The following ME3 variants were observed in gnomAD, a reference collection of about 807,000 sequenced individuals.
The protein encoded by ME3 is NADP-dependent malic enzyme, mitochondrial.
In ME3, 48 loss-of-function variants were observed where a neutral mutation model predicts 68.9. The observed-to-expected ratio is 0.70, with a 90% CI of 0.55 to 0.89. The LOEUF is 0.89. Ranked by LOEUF, ME3 falls within the 40% of genes least tolerant of loss-of-function variation. The pLI is 0.00. For missense variants in ME3, 675 were observed against 797.4 expected (o/e 0.85, Z 1.85); for synonymous variants, 320 against 318.8 (o/e 1.00, Z -0.04).
intron 4 of ME3, among the ~76,000 whole-genome samples, chr11:86,509,462 GCAGA>G (rs2139101839): frequency 6.6e-6 from 1 of 152,160 alleles, no homozygotes; most frequent in African/African-American, 2.4e-5. Flanking sequence ...TTGGTCAAGA[GCAGA>G]CAGATATTGG....
chr11:86,661,148 T>C (rs539939), intron 2 of ME3, among the ~76,000 whole-genome samples: 46,468 of 152,220 alleles, frequency 0.31, 7,148 homozygotes, highest in East Asian at 0.36. Flanking sequence ...AGAAAACACA[T>C]GCACATGATG....
intron 2 of ME3, among the ~76,000 whole-genome samples, chr11:86,634,842 T>G (rs1197341195): frequency 6.6e-6 from 1 of 152,252 alleles, no homozygotes; most frequent in African/African-American, 2.4e-5. Flanking sequence ...AAACTGTGAT[T>G]GATAACAAAC....
intron 7 of ME3, among the ~76,000 whole-genome samples, chr11:86,483,525 T>G (rs1951527351): frequency 6.6e-6 from 1 of 150,914 alleles, no homozygotes; most frequent in African/African-American, 2.4e-5. Context: ...GTGATTATGG[T>G]GAGGGGAAAG....
At chr11:86,637,030 A>T (rs935332045) in intron 2 of ME3, among the ~76,000 whole-genome samples, 1 of 152,198 alleles carries the variant, frequency 6.6e-6, no homozygotes, top group Non-Finnish European at 1.5e-5. Flanking sequence ...ATCATTCTTG[A>T]ATCAATGTAA....
chr11:86,650,617 A>T (rs773322336), intron 2 of ME3, among the ~76,000 whole-genome samples: 24 of 152,246 alleles, frequency 1.6e-4, no homozygotes, highest in Admixed American at 3.3e-4. Context: ...TACAATGGGA[A>T]GTCAAGATGG....
At chr11:86,485,743 A>C (rs529011027) in intron 7 of ME3, among the ~76,000 whole-genome samples, 75 of 152,072 alleles carry the variant, frequency 4.9e-4, no homozygotes, top group African/African-American at 1.8e-3. Context: ...CCTTGAATAG[A>C]CTCTCAACTC....
chr11:86,548,768 C>T (rs1956503634), intron 4 of ME3, among the ~76,000 whole-genome samples: 1 of 152,060 alleles, frequency 6.6e-6, no homozygotes, highest in South Asian at 2.1e-4. Flanking sequence ...AAAGTGAGGC[C>T]CAGAAAGGGG....
intron 4 of ME3, among the ~76,000 whole-genome samples, chr11:86,526,653 C>T (rs1337255869): frequency 6.6e-6 from 1 of 152,156 alleles, no homozygotes; most frequent in East Asian, 1.9e-4. Flanking sequence ...TGGCTGGGTA[C>T]CCCTGTGAGA....
At chr11:86,587,477 G>A (rs533677736) in intron 2 of ME3, among the ~76,000 whole-genome samples, 23 of 152,284 alleles carry the variant, frequency 1.5e-4, no homozygotes, top group Middle Eastern at 3.4e-3. Context: ...ATGCCCCACC[G>A]TGCTGTGCTC....
chr11:86,538,048 C>T, intron 4 of ME3, among the ~76,000 whole-genome samples: 1 of 152,158 alleles, frequency 6.6e-6, no homozygotes, highest in East Asian at 1.9e-4. Flanking sequence ...CACCCCATGT[C>T]CCTGCAAGGG....
chr11:86,614,492 C>A (rs1275028396), intron 2 of ME3, among the ~76,000 whole-genome samples: 1 of 152,098 alleles, frequency 6.6e-6, no homozygotes, highest in South Asian at 2.1e-4. Flanking sequence ...GACTGAGGAC[C>A]TGTTTTCCTT....
chr11:86,562,894 C>A (rs1442628827), intron 2 of ME3, among the ~76,000 whole-genome samples: 1 of 152,000 alleles, frequency 6.6e-6, no homozygotes, highest in African/African-American at 2.4e-5. Flanking sequence ...CAATATTTAG[C>A]TCCCACTTAT....
chr11:86,644,794 C>T lies in ME3; in HGVS notation c.183+26968G>A, dbSNP rs183352127. On this transcript the variant is annotated intron_variant, in intron 2 of 14. Transcript: ENST00000543262. ...CAAGATGGTCAAATAGGAGCAGCTC[C>T]GGTCTGCAGCTCCCAATGAGACCAA... 8.5e-5 allele frequency among the ~76,000 whole-genome samples: 13 copies of T among 152,326 alleles called. No homozygotes were observed. The East Asian group carries it at 9.6e-4, about 11-fold the overall frequency.
At chr11:86,550,891 G>T (rs1044853877) in intron 4 of ME3, among the ~76,000 whole-genome samples, 1 of 152,072 alleles carries the variant, frequency 6.6e-6, no homozygotes, top group African/African-American at 2.4e-5. Flanking sequence ...TTGGTCTTGT[G>T]TACAGCTGGA....
intron 2 of ME3, among the ~76,000 whole-genome samples, chr11:86,599,047 T>C (rs1050936282): frequency 6.6e-6 from 1 of 152,196 alleles, no homozygotes; most frequent in African/African-American, 2.4e-5. Context: ...AGAGTGCCTC[T>C]CCTCCTCCAA....
At chr11:86,436,865 A>G (rs1252619647), downstream of ME3, 1 of 152,186 alleles carries the variant, frequency 6.6e-6, no homozygotes, top group African/African-American at 2.4e-5. Flanking sequence ...AATTTGCCAT[A>G]AAGGTAAAAA....
At chr11:86,561,561 C>G (rs1957235836) in intron 2 of ME3, among the ~76,000 whole-genome samples, 1 of 152,228 alleles carries the variant, frequency 6.6e-6, no homozygotes, top group Admixed American at 6.5e-5. Context: ...TTCATTACCA[C>G]ATGGATCATT....
chr11:86,501,295 C>T lies in ME3; in HGVS notation c.544-3171G>A, dbSNP rs150482827. ...GAATGATGAATAAATGGTTGCTGCT[C>T]TTATGACTGTAATGATGATGATTAT... On this transcript the variant is annotated intron_variant, in intron 5 of 14. Coordinates refer to ENST00000543262, the Ensembl canonical transcript of ME3. Among the ~76,000 whole-genome samples, 1,045 of 152,156 alleles carry T rather than the reference C, an allele frequency of 6.9e-3. 10 individuals are homozygous for T. The highest frequency in any genetic ancestry group is 0.024 in the African/African-American group (1,004 of 41,526).
chr11:86,531,125 C>T (rs1338284243), intron 4 of ME3, among the ~76,000 whole-genome samples: 1 of 152,144 alleles, frequency 6.6e-6, no homozygotes. Context: ...TATCCAGAAT[C>T]TACAAAGAAC....
Sources: gnomAD v4.1 joint callset for allele counts (sites outside exome capture counted in the v4.1 genomes callset) on GRCh38, gnomAD v4.1.1 for gene constraint, MANE v1.5 for transcripts, NCBI Gene and HGNC (gene_info 2026-07-23, HGNC 2026-07-21) for gene names.